The following PSD2 variants were observed in gnomAD, a reference collection of about 807,000 sequenced individuals.
PSD2 encodes the protein PH and SEC7 domain-containing protein 2.
PSD2 carries 38 observed loss-of-function variants against 69.8 expected under a neutral mutation model. The observed-to-expected ratio is 0.54, with a 90% CI of 0.42 to 0.71. The LOEUF (loss-of-function observed/expected upper bound fraction) is 0.71, where lower values mean the gene tolerates loss of function less well. PSD2 is among the 30% of genes least tolerant of loss of function. The probability of loss-of-function intolerance (pLI) is 0.00; values close to 1 mark genes in which losing one functional copy is unlikely to be tolerated. For synonymous variants in PSD2, 412 were observed against 423.0 expected (o/e 0.97, Z 0.32); for missense variants, 943 against 1,014.5 (o/e 0.93, Z 0.96).
the PSD2 span, among the ~76,000 whole-genome samples, chr5:139,771,430 G>A: frequency 7.9e-5 from 12 of 152,010 alleles, no homozygotes; most frequent in Non-Finnish European, 1.5e-4. Flanking sequence ...CCAGGCTGGA[G>A]TGCAGTGGCA....
At chr5:139,836,098 C>A (rs1048457735) in intron 9 of PSD2, among the ~76,000 whole-genome samples, 11 of 152,342 alleles carry the variant, frequency 7.2e-5, no homozygotes, top group African/African-American at 2.6e-4. Flanking sequence ...AGTAGGCAGA[C>A]AGGAGGCATG....
the PSD2 span, among the ~76,000 whole-genome samples, chr5:139,757,753 C>T: frequency 6.6e-6 from 1 of 152,102 alleles, no homozygotes; most frequent in Non-Finnish European, 1.5e-5. Flanking sequence ...TTGAGGACAC[C>T]AGCCGGCAAG....
chr5:139,765,260 C>T, the PSD2 span, among the ~76,000 whole-genome samples: 1 of 152,136 alleles, frequency 6.6e-6, no homozygotes, highest in South Asian at 2.1e-4. Flanking sequence ...CCAGTGCCTA[C>T]GCAGTGGTAC....
At position 139,839,003 on chromosome 5, in the gene PSD2, T is replaced by C. The variant is rs1351166594; in HGVS notation, c.1968+231T>C. Among the ~76,000 whole-genome samples, 1 of 152,188 alleles carries C rather than the reference T, an allele frequency of 6.6e-6. No individual in the cohort carries two copies. Among genetic ancestry groups the C allele is most frequent in the African/African-American group, 2.4e-5 (1 of 41,436 alleles). Reference sequence around the variant, plus strand: ...CTGTGGCAGGTGGCATGGAGCTGCCTCTATGCCAGTGCATCCCTGTGGATG... The same window carrying C: ...CTGTGGCAGGTGGCATGGAGCTGCCCCTATGCCAGTGCATCCCTGTGGATG... On this transcript the variant is annotated intron_variant, in intron 13 of 14. Transcript: ENST00000274710. This position sits in a 1 kb window ranked among gnomAD's most constrained non-coding sequence, Gnocchi z 5.1.
chr5:139,810,864 G>A (rs904735947), intron 2 of PSD2, among the ~76,000 whole-genome samples: 7 of 152,062 alleles, frequency 4.6e-5, no homozygotes, highest in Non-Finnish European at 7.4e-5. Context: ...TTGGGATGGC[G>A]AGGCTGGGGG....
chr5:139,805,069 C>T lies in PSD2; in HGVS notation c.-50-4322C>T, dbSNP rs112280436. Among the ~76,000 whole-genome samples, 7 of 152,044 alleles carry T rather than the reference C, an allele frequency of 4.6e-5. No individual in the cohort carries two copies. The South Asian group carries it at 8.3e-4, about 18-fold the overall frequency. ...GTGCGCATGTGTGTGTGCACGTGCGCGTGTGTCTGGGCATGTGTACATGTG... is the reference window on the plus strand; with the variant it reads ...GTGCGCATGTGTGTGTGCACGTGCGTGTGTGTCTGGGCATGTGTACATGTG... On this transcript the variant is annotated intron_variant, in intron 1 of 14. Coordinates refer to ENST00000274710, the MANE Select transcript of PSD2 (RefSeq NM_032289.4).
the PSD2 span, among the ~76,000 whole-genome samples, chr5:139,790,130 G>C: frequency 6.6e-6 from 1 of 152,076 alleles, no homozygotes; most frequent in Non-Finnish European, 1.5e-5. Flanking sequence ...GTAAAGACTT[G>C]GTTTGAGTCT....
the PSD2 span, among the ~76,000 whole-genome samples, chr5:139,760,614 T>G: frequency 6.6e-6 from 1 of 152,210 alleles, no homozygotes. Flanking sequence ...CTGCTGATTC[T>G]GGCTCACTGA....
intron 1 of PSD2, 114 bp downstream of exon 1, chr5:139,796,089 G>C (rs1222352598): frequency 4.6e-5 from 7 of 151,932 alleles, no homozygotes; most frequent in Admixed American, 1.3e-4. Flanking sequence ...CCTCGCCCTC[G>C]GTGCCCACCC....
the PSD2 span, among the ~76,000 whole-genome samples, chr5:139,783,101 T>C: frequency 2.0e-5 from 3 of 152,148 alleles, no homozygotes; most frequent in African/African-American, 7.2e-5. Context: ...TCACACAGCA[T>C]TTGTCCTTTT....
At chr5:139,815,013 C>T (rs907652613) in intron 4 of PSD2, among the ~76,000 whole-genome samples, 3 of 152,050 alleles carry the variant, frequency 2.0e-5, no homozygotes, top group Admixed American at 6.5e-5. Context: ...TCCCAACGTC[C>T]GCATTAAGGC....
At chr5:139,799,443 G>A (rs995626163) in intron 1 of PSD2, among the ~76,000 whole-genome samples, 6 of 152,208 alleles carry the variant, frequency 3.9e-5, no homozygotes, top group Admixed American at 6.5e-5. Context: ...GGCACAGCAA[G>A]GGGAGAGGGC....
chr5:139,766,936 T>C, the PSD2 span, among the ~76,000 whole-genome samples: 742 of 75,046 alleles, frequency 9.9e-3, 34 homozygotes, highest in African/African-American at 0.041. Context: ...TTCCCTTCTT[T>C]CTTTCTTTCT....
intron 5 of PSD2, among the ~76,000 whole-genome samples, chr5:139,817,980 G>A (rs1273780557): frequency 6.6e-6 from 1 of 152,216 alleles, no homozygotes; most frequent in African/African-American, 2.4e-5. Context: ...CGAAGGAGGA[G>A]ATGGTAAAAT....
At chr5:139,800,412 A>T (rs1326572154) in intron 1 of PSD2, among the ~76,000 whole-genome samples, 1 of 152,164 alleles carries the variant, frequency 6.6e-6, no homozygotes, top group African/African-American at 2.4e-5. Flanking sequence ...ATGCTAGATG[A>T]TTCTTTCACA....
chr5:139,826,275 C>T (rs1760418096), intron 7 of PSD2, among the ~76,000 whole-genome samples: 1 of 152,172 alleles, frequency 6.6e-6, no homozygotes, highest in South Asian at 2.1e-4. Flanking sequence ...TTGGCCTTGC[C>T]TGGGGGCCTG....
Position 139,821,918 on chromosome 5 carries a change from A to G in PSD2, c.1123A>G (p.Met375Val). Residue 375 changes from methionine (M) to valine (V), a missense_variant, in exon 6 of 15, where the codon ATG (methionine) becomes GTG (valine). Physicochemically the swap from Met to Val is conservative, Grantham distance 21. Transcript: ENST00000274710. ...AACATTCTTGAAGGCCTTCCCGCTGATGGGGGAGACACAAGAGCGTGAGCG... is the reference window on the plus strand; with the variant it reads ...AACATTCTTGAAGGCCTTCCCGCTGGTGGGGGAGACACAAGAGCGTGAGCG... ...LRTFLKAFPL[M>V]GETQERERVL... 2 of 1,609,112 alleles carry G rather than the reference A, an allele frequency of 1.2e-6. No individual in the cohort carries two copies. The highest frequency in any genetic ancestry group is 1.7e-6 in the Non-Finnish European group (2 of 1,177,310).
chr5:139,752,130 C>T, the PSD2 span, among the ~76,000 whole-genome samples: 1 of 151,996 alleles, frequency 6.6e-6, no homozygotes, highest in Non-Finnish European at 1.5e-5. Context: ...GGTGGTTGTC[C>T]TTGGCAGATC....
At chr5:139,817,390 TCCGGGTACCCTGGGC>T in intron 4 of PSD2, 76 bp from the exon 5 acceptor site, 2 of 1,084,346 alleles carry the variant, frequency 1.8e-6, no homozygotes, top group Non-Finnish European at 2.8e-6. Flanking sequence ...GGTGGGTGGG[TCCGGGTACCCTGGGC>T]CCAAGTAATG....
Sources: allele counts gnomAD v4.1 joint callset (sites outside exome capture counted in the v4.1 genomes callset), GRCh38; gene constraint gnomAD v4.1.1; non-coding constraint Gnocchi (gnomAD v3.1); transcripts MANE v1.5; gene names NCBI Gene and HGNC (gene_info 2026-07-23, HGNC 2026-07-21).